TTN: variants seen among roughly 807,000 people sequenced by gnomAD.
The protein encoded by TTN is connectin.
TTN carries 1,525 observed loss-of-function variants against 3,223.0 expected under a neutral mutation model. The ratio of observed to expected loss-of-function variants is 0.47; its 90% confidence interval spans 0.45 to 0.49. The LOEUF (loss-of-function observed/expected upper bound fraction) is 0.49. Among genes scored for constraint, TTN ranks in the 20% least tolerant of loss-of-function variants. The probability of loss-of-function intolerance (pLI) is 0.00; values close to 1 mark genes in which losing one functional copy is unlikely to be tolerated. For synonymous variants in TTN, 14,094 were observed against 15,161.0 expected (o/e 0.93, Z 5.17); for missense variants, 40,786 against 43,424.0 (o/e 0.94, Z 5.40).
rs112665402 is a variant in TTN at position 178,794,361 on chromosome 2, G to A, written c.1398+38C>T. ...GTTGAGTTAATGTGCACTGAAGGAC[G>A]TGGCTCTGCGGGTGCCCCATGGCAG... is the stretch of plus-strand genomic sequence containing the variant. On this transcript the variant is annotated intron_variant, in intron 8 of 362. Transcript: ENST00000589042. 7.2e-4 allele frequency: 1,161 copies of A among 1,613,210 alleles called. 12 individuals carry two copies. In the African/African-American group the frequency reaches 8.4e-3, roughly 12 times the overall value.
chr2:178,547,056 C>T lies in TTN; in HGVS notation c.94469G>A (p.Gly31490Asp). ...QFRTYALNAA[G>D]VSKASEASRP... is the part of the protein sequence containing the mutation. ...TGAAGCTTCGCTGGCCTTGCTAACA[C>T]CTGCAGCATTGAGTGCATAAGTTCT... Residue 31490 changes from glycine to aspartate, a missense_variant, in exon 340 of 363, where the codon GGT becomes GAT. Physicochemically the swap from Gly to Asp is moderately conservative, Grantham distance 94. Coordinates refer to ENST00000589042, the MANE Select transcript of TTN (RefSeq NM_001267550.2). 1.9e-6 allele frequency: 3 copies of T among 1,613,756 alleles called. No homozygotes were observed. The highest frequency in any genetic ancestry group is 4.5e-5 in the East Asian group (2 of 44,872).
Position 178,548,730 on chromosome 2 carries a change from G to T in TTN, c.92896C>A (p.Leu30966Ile). 1.2e-6 allele frequency: 2 copies of T among 1,613,820 alleles called. No individual in the cohort carries two copies. Among genetic ancestry groups the T allele is most frequent in the Non-Finnish European group, 1.7e-6 (2 of 1,179,800 alleles). ...GTATGGATATCAGCCCGAAGGCTAA[G>T]GTTAGAGTCTGGTTTGCTCCACACA... ...TAVWSKPDSN[L>I]SLRADIHTTD... Residue 30966 changes from leucine (L) to isoleucine (I), a missense_variant, in exon 339 of 363, where the codon CTT (leucine) becomes ATT (isoleucine). By Grantham distance (5) the Leu-to-Ile change is conservative. Coordinates refer to ENST00000589042, the MANE Select transcript of TTN (RefSeq NM_001267550.2). The surrounding 1 kb of genome is among the most constrained non-coding windows in gnomAD (Gnocchi z 4.3).
intron 147 of TTN, 128 bp from the exon 148 acceptor site, chr2:178,676,123 G>A: frequency 1.3e-6 from 1 of 762,304 alleles, no homozygotes; most frequent in Non-Finnish European, 2.1e-6. Context: ...ATGTTAGTTG[G>A]GAGCCCAGAT....
rs1221486073 is a variant in TTN at position 178,769,687 on chromosome 2, G to T, written c.8894C>A (p.Thr2965Lys). The T allele has an allele frequency of 3.7e-6, 6 of 1,612,022 alleles. No homozygotes were observed. The highest frequency in any genetic ancestry group is 4.2e-6 in the Non-Finnish European group (5 of 1,179,446). The change falls in exon 37 of 363, where the codon ACA becomes AAA. Residue 2965 changes from threonine (T) to lysine (K), a missense_variant. Coordinates refer to ENST00000589042, the MANE Select transcript of TTN (RefSeq NM_001267550.2). Reference protein sequence around the residue: ...CGNDQVSATLTVTPIMITSML... With the variant: ...CGNDQVSATLKVTPIMITSML... ...TATATTTTTTAACTTACGGGTGACT[G>T]TCAGGGTGGCACTGACTTGGTCATT... is the stretch of plus-strand genomic sequence containing the variant.
intron 127 of TTN, 57 bp downstream of exon 127, chr2:178,688,054 G>A (rs913546310): frequency 1.1e-5 from 16 of 1,458,218 alleles, no homozygotes; most frequent in Non-Finnish European, 1.5e-5. Flanking sequence ...GACAATTTGT[G>A]AAAGAAAACA....
Position 178,701,217 on chromosome 2 carries a change from A to G in TTN, c.30599-14T>C. On this transcript the variant is annotated splice_polypyrimidine_tract_variant and intron_variant, in intron 110 of 362. Transcript: ENST00000589042. ...CAGGAGGGATTTCTGAAGAAAATAAATGCCGTTAGTAACATGTTTTAGTTT... is the reference window on the plus strand; with the variant it reads ...CAGGAGGGATTTCTGAAGAAAATAAGTGCCGTTAGTAACATGTTTTAGTTT... 6.3e-7 allele frequency: 1 copy of G among 1,599,602 alleles called. No homozygotes were observed.
At chr2:178,646,124 A>T (rs1242005388) in intron 216 of TTN, 94 bp from the exon 217 acceptor site, 2 of 143,856 alleles carry the variant, frequency 1.4e-5, no homozygotes, top group Non-Finnish European at 2.7e-5. Flanking sequence ...ATATATATAT[A>T]TATATATATA....
intron 217 of TTN, 156 bp from the exon 218 acceptor site, chr2:178,644,772 C>T (rs1220603509): frequency 9.4e-6 from 5 of 533,146 alleles, no homozygotes; most frequent in Admixed American, 4.2e-5. Context: ...AAGCAGCATT[C>T]GAACCATGAA....
chr2:178,789,892 T>G lies in TTN; in HGVS notation c.1938+86A>C, dbSNP rs548704076. 7.6e-4 allele frequency: 1,189 copies of G among 1,566,472 alleles called. 11 individuals carry two copies. In the South Asian group the frequency reaches 0.013, roughly 17 times the overall value. The stretch of plus-strand genomic sequence containing the variant: ...GGGATTTTAAAAGGCAAATACAGAT[T>G]AATAATTCATACCATATTGTAGTTA... On this transcript the variant is annotated intron_variant, in intron 12 of 362. Coordinates refer to ENST00000589042, the MANE Select transcript of TTN (RefSeq NM_001267550.2).
chr2:178,714,002 C>T lies in TTN; in HGVS notation c.26656G>A (p.Gly8886Ser), dbSNP rs72648991. The T allele has an allele frequency of 2.0e-5, 33 of 1,613,544 alleles. No homozygotes were observed. The highest frequency in any genetic ancestry group is 1.6e-4 in the Middle Eastern group (1 of 6,062). Residue 8886 changes from glycine (G) to serine (S), a missense_variant, in exon 92 of 363, where the codon GGC becomes AGC. Gly to Ser is a moderately conservative substitution (Grantham distance 56). Transcript: ENST00000589042. The part of the protein sequence containing the change: ...YKISFFNKVS[G>S]LKIINVAPSD... The stretch of plus-strand genomic sequence containing the variant: ...GGTGCTACATTGATGATCTTAAGGC[C>T]GGATACTTTGTTGAAGAAGCTTATT...
intron 99 of TTN, among the ~76,000 whole-genome samples, chr2:178,708,411 T>G (rs1367064918): frequency 2.0e-5 from 3 of 152,198 alleles, no homozygotes; most frequent in Admixed American, 2.0e-4. Context: ...ATGAAGACAT[T>G]GATGAGTAAC....
chr2:178,619,406 A>T, intron 250 of TTN: 1 of 588,674 alleles, frequency 1.7e-6, no homozygotes, highest in Non-Finnish European at 2.9e-6. Context: ...TGTACTAGCA[A>T]CTGTCCAAGG....
rs759548192 is a variant in TTN at position 178,573,885 on chromosome 2, A to C, written c.72247T>G (p.Phe24083Val). ...TAKLEIKIAD[F>V]STNLVNKDST... ...TCTTTGTTTACCAGATTAGTAGAGA[A>C]ATCTGCAATTTTTATTTCTAACTTT... The change falls in exon 326 of 363, where the codon TTC becomes GTC. Residue 24083 changes from phenylalanine to valine, a missense_variant. Phe to Val is a conservative substitution (Grantham distance 50). Transcript: ENST00000589042. 1.9e-6 allele frequency: 3 copies of C among 1,611,302 alleles called. No individual in the cohort carries two copies. The highest frequency in any genetic ancestry group is 2.2e-5 in the South Asian group (2 of 90,982).
intron 43 of TTN, among the ~76,000 whole-genome samples, chr2:178,760,478 C>T (rs1028854908): frequency 3.9e-5 from 6 of 152,054 alleles, no homozygotes; most frequent in Admixed American, 1.3e-4. Context: ...TGCAGTGAGC[C>T]GAGATCTCCA....
intron 47 of TTN, chr2:178,749,165 T>G (rs1367535780): frequency 1.2e-6 from 2 of 1,611,838 alleles, no homozygotes; most frequent in African/African-American, 2.7e-5. Flanking sequence ...TTGGGCACAT[T>G]CTTGTACATT....
Position 178,586,634 on chromosome 2 carries a change from C to A in TTN, c.64267G>T (p.Asp21423Tyr), listed in dbSNP as rs761820626. 1.2e-6 allele frequency: 2 copies of A among 1,613,042 alleles called. No individual in the cohort carries two copies. Among genetic ancestry groups the A allele is most frequent in the East Asian group, 2.2e-5 (1 of 44,776 alleles). ...AGGCCAGTGACAACAAGGCTCAGAT[C>A]TTTTACCACTGAGTACTCTGTCCAG... ...DRWTEYSVVKDLSLVVTGLKE... is the reference protein window; with the variant it reads ...DRWTEYSVVKYLSLVVTGLKE... Residue 21423 changes from aspartate to tyrosine, a missense_variant, in exon 308 of 363, where the codon GAT (aspartate) becomes TAT (tyrosine). Asp to Tyr is a radical substitution (Grantham distance 160). Coordinates refer to ENST00000589042, the MANE Select transcript of TTN (RefSeq NM_001267550.2).
At chr2:178,701,495 T>A (rs765582880) in intron 110 of TTN, 33 bp downstream of exon 110, 15 of 1,601,576 alleles carry the variant, frequency 9.4e-6, no homozygotes, top group Non-Finnish European at 1.2e-5. Flanking sequence ...ATATTGCTGC[T>A]CCAAGCTCAG....
rs751778897 is a variant in TTN, at chr2:178,714,973, C to T, written c.26200+13G>A. 3.1e-6 allele frequency: 5 copies of T among 1,593,828 alleles called. No individual in the cohort carries two copies. The African/African-American group carries it at 5.4e-5, about 17-fold the overall frequency. ...GGGAAGTAGTGAGCAGAAGTGAATG[C>T]AGTCCATCTAACCTTTGAGAGCGAT... On this transcript the variant is annotated intron_variant, in intron 90 of 362. Transcript: ENST00000589042.
rs1362017251 is a variant in TTN at position 178,621,848 on chromosome 2, G to A, written c.45074C>T (p.Thr15025Ile). 1.2e-6 allele frequency: 2 copies of A among 1,611,870 alleles called. No individual in the cohort carries two copies. Among genetic ancestry groups the A allele is most frequent in the East Asian group, 2.2e-5 (1 of 44,610 alleles). ...AATGACTTTACTCTTACCCAGAACT[G>A]TCAGCATGCCAGAAGTTCTCGCTGT... ...VRTARTSGML[T>I]VLEEEAVFTK... The change falls in exon 244 of 363, where the codon ACA becomes ATA. Residue 15025 changes from threonine (T) to isoleucine (I), a missense_variant. Coordinates refer to ENST00000589042, the MANE Select transcript of TTN (RefSeq NM_001267550.2).
Sources: allele counts gnomAD v4.1 joint callset (sites outside exome capture counted in the v4.1 genomes callset), GRCh38; gene constraint gnomAD v4.1.1; non-coding constraint Gnocchi (gnomAD v3.1); transcripts MANE v1.5; gene names NCBI Gene and HGNC (gene_info 2026-07-23, HGNC 2026-07-21).